Variants in NCOR2 observed in about 807,000 individuals in gnomAD.
NCOR2 encodes CTG repeat protein 26.
A neutral mutation model predicts 262.9 loss-of-function variants in NCOR2; 81 were observed. The ratio of observed to expected loss-of-function variants is 0.31; its 90% CI spans 0.26 to 0.37. The LOEUF is 0.37. Ranked by LOEUF, NCOR2 falls within the 10% of genes least tolerant of loss-of-function variation. The pLI, the probability that NCOR2 is intolerant of heterozygous loss-of-function variation, is 1.00. For synonymous variants in NCOR2, 1,659 were observed against 1,559.3 expected, an observed-to-expected ratio of 1.06 and a Z score of -1.51; for missense variants, 3,385 against 3,621.4, an observed-to-expected ratio of 0.93 and a Z score of 1.68.
Position 124,432,859 on chromosome 12 carries a change from C to CG in NCOR2, c.883-2073dup, listed in dbSNP as rs1427968302. Reference sequence around the variant, plus strand: ...CCAAGGTGACTTGAGCAAGTGGCGGCGGGGGGCGGGGGGTGGGGGCGGGGA... The same window carrying CG: ...CCAAGGTGACTTGAGCAAGTGGCGGCGGGGGGGCGGGGGGTGGGGGCGGGGA... On this transcript the variant is annotated intron_variant, in intron 8 of 46. Coordinates refer to ENST00000405201, the Ensembl canonical transcript of NCOR2. This position sits in a 1 kb window ranked among gnomAD's most constrained non-coding sequence, Gnocchi z 5.1. Among the ~76,000 whole-genome samples the CG allele has an allele frequency of 9.7e-5, 1 of 10,326 alleles. No homozygotes were observed. The highest frequency in any genetic ancestry group is 1.7e-4 in the Non-Finnish European group (1 of 5,828). 6.8% of individuals were successfully genotyped at this position (10,326 alleles called of 152,430 possible).
intron 17 of NCOR2, among the ~76,000 whole-genome samples, chr12:124,385,238 C>T (rs1257451415): frequency 6.6e-6 from 1 of 152,166 alleles, no homozygotes; most frequent in Non-Finnish European, 1.5e-5. Context: ...TGCCTCAAGC[C>T]CTCCAGGATG....
intron 20 of NCOR2, among the ~76,000 whole-genome samples, chr12:124,369,312 C>T (rs1359045985): frequency 1.3e-5 from 2 of 152,188 alleles, no homozygotes; most frequent in African/African-American, 2.4e-5. Flanking sequence ...GCCAGCGGGC[C>T]GAAGGAGAAT....
intron 16 of NCOR2, among the ~76,000 whole-genome samples, chr12:124,397,595 C>G (rs1434218305): frequency 6.6e-6 from 1 of 152,240 alleles, no homozygotes; most frequent in Admixed American, 6.5e-5. Context: ...ACTCCAGAAC[C>G]CGTCACCCAG....
At position 124,432,743 on chromosome 12, in the gene NCOR2, C is replaced by T. The variant is rs1593513250; in HGVS notation, c.883-1956G>A. Among the ~76,000 whole-genome samples the T allele has an allele frequency of 2.0e-5, 3 of 152,198 alleles. No homozygotes were observed. The East Asian group carries it at 5.8e-4, about 29-fold the overall frequency. ...TTCCCTCCAAGACAAGGAAGTCCCT[C>T]TCCACATCTAACCACAGTGCTGCCT... is the stretch of plus-strand genomic sequence containing the variant. On this transcript the variant is annotated intron_variant, in intron 8 of 46. Transcript: ENST00000405201. The surrounding 1 kb of genome is among the most constrained non-coding windows in gnomAD (Gnocchi z 5.1).
intron 1 of NCOR2, among the ~76,000 whole-genome samples, chr12:124,510,017 G>T (rs1345284012): frequency 2.0e-5 from 3 of 152,134 alleles, no homozygotes; most frequent in Admixed American, 2.0e-4. Context: ...GGCTGCTCCC[G>T]CCAGGCCAGA....
intron 1 of NCOR2, among the ~76,000 whole-genome samples, chr12:124,535,322 C>A (rs1207559809): frequency 6.6e-6 from 1 of 152,220 alleles, no homozygotes; most frequent in Non-Finnish European, 1.5e-5. Context: ...CAGGTGTCAT[C>A]AAAAAATCAC....
chr12:124,347,957 G>C, intron 29 of NCOR2, 46 bp from the exon 32 acceptor site: 1 of 1,534,330 alleles, frequency 6.5e-7, no homozygotes, highest in Non-Finnish European at 8.8e-7. Flanking sequence ...TCCCTGAGCC[G>C]ACACTGGGCA....
chr12:124,532,935 TCC>T lies in NCOR2; in HGVS notation c.-118+2628_-118+2629del, dbSNP rs1381288388. Among the ~76,000 whole-genome samples the T allele has an allele frequency of 9.6e-3, 253 of 26,342 alleles. 5 individuals are homozygous for T. Among genetic ancestry groups the T allele is most frequent in the Admixed American group, 0.012 (35 of 2,912 alleles). The allele number at this position is 26,342 out of a possible 152,430, so 17.3% of individuals were successfully genotyped here. A position where few individuals can be genotyped will look rare whatever the true frequency, so the allele number is the denominator to read the frequency against. On this transcript the variant is annotated intron_variant, in intron 1 of 46. Coordinates refer to the NCOR2 transcript ENST00000404621. ...CTCCAAGTCCCACTCCTCCTTCCCC[TCC>T]TCCCTCCAAATCCCACTCCTCTTCC...
chr12:124,325,539 C>A, exon 47 of NCOR2: 1 of 1,336,570 alleles, frequency 7.5e-7, no homozygotes, highest in Non-Finnish European at 9.6e-7. Flanking sequence ...ATGACACCCG[C>A]CTGCAGCCGC....
At position 124,389,234 on chromosome 12, in the gene NCOR2, G is replaced by A. The variant is rs1339627418; in HGVS notation, c.1877-3347C>T. On this transcript the variant is annotated intron_variant, in intron 16 of 46. Transcript: ENST00000405201. This position sits in a 1 kb window ranked among gnomAD's most constrained non-coding sequence, Gnocchi z 4.4. Reference sequence around the variant, plus strand: ...ACCCCCGGGCCGGGCAAAATCCAAGGACCCAGGCCCAGCAGGGCAGCCGTG... The same window carrying A: ...ACCCCCGGGCCGGGCAAAATCCAAGAACCCAGGCCCAGCAGGGCAGCCGTG... Among the ~76,000 whole-genome samples the A allele has an allele frequency of 1.3e-5, 2 of 152,232 alleles. No individual in the cohort carries two copies. The highest frequency in any genetic ancestry group is 2.9e-5 in the Non-Finnish European group (2 of 68,034).
chr12:124,404,791 G>A (rs535810307), intron 13 of NCOR2, among the ~76,000 whole-genome samples: 1 of 152,308 alleles, frequency 6.6e-6, no homozygotes, highest in Non-Finnish European at 1.5e-5. Context: ...CTATGGGCCG[G>A]CTCCTGGCCC....
At position 124,457,026 on chromosome 12, in the gene NCOR2, C is replaced by T. The variant is rs577383570; in HGVS notation, c.762+80G>A. 18 of 1,127,390 alleles carry T rather than the reference C, an allele frequency of 1.6e-5. No individual in the cohort carries two copies. The African/African-American group carries it at 2.4e-4, about 15-fold the overall frequency. The allele number at this position is 1,127,390 out of a possible 1,614,324, so 69.8% of individuals were successfully genotyped here. A position where few individuals can be genotyped will look rare whatever the true frequency, so the allele number is the denominator to read the frequency against. On this transcript the variant is annotated intron_variant, in intron 6 of 46. Transcript: ENST00000405201. This position sits in a 1 kb window ranked among gnomAD's most constrained non-coding sequence, Gnocchi z 4.0. ...TGGTAATAGATGACTTCCTCCTCCGCCGCACCCTCCCGCCTCCCTGCCCAC... is the reference window on the plus strand; with the variant it reads ...TGGTAATAGATGACTTCCTCCTCCGTCGCACCCTCCCGCCTCCCTGCCCAC...
At chr12:124,532,177 TAGCG>T (rs934773232) in intron 1 of NCOR2, among the ~76,000 whole-genome samples, 2 of 152,096 alleles carry the variant, frequency 1.3e-5, no homozygotes, top group African/African-American at 4.8e-5. Flanking sequence ...AGTGCACGCA[TAGCG>T]AGTGTCGGCC....
In NCOR2 at chr12:124,483,838, G is replaced by A. The variant is rs938151299; in HGVS notation, c.234-65C>T. ...CGGCTCTGAGAACTCCCGAGGCCCC[G>A]ACCACCCTCTGCGCCGAGCATCTAC... On this transcript the variant is annotated intron_variant, in intron 2 of 46. Coordinates refer to ENST00000405201, the Ensembl canonical transcript of NCOR2. The surrounding 1 kb of genome is among the most constrained non-coding windows in gnomAD (Gnocchi z 6.3). The A allele has an allele frequency of 1.6e-5, 24 of 1,459,150 alleles. No individual in the cohort carries two copies. Among genetic ancestry groups the A allele is most frequent in the Admixed American group, 2.3e-5 (1 of 43,274 alleles). 90.4% of individuals were successfully genotyped at this position (1,459,150 alleles called of 1,614,324 possible).
At chr12:124,419,428 G>A (rs2043091382) in intron 13 of NCOR2, among the ~76,000 whole-genome samples, 1 of 152,184 alleles carries the variant, frequency 6.6e-6, no homozygotes, top group Admixed American at 6.5e-5. Context: ...CAGAGTCCCA[G>A]TCTGCCAGCC....
Position 124,334,878 on chromosome 12 carries a change from G to A in NCOR2, c.6411+257C>T, listed in dbSNP as rs980616303. ...GACACTGAGAAACCTGGGCCACCAG[G>A]AAGGCCTCATTGCCCGTGAAGATGC... On this transcript the variant is annotated intron_variant, in intron 40 of 46. Coordinates refer to ENST00000405201, the Ensembl canonical transcript of NCOR2. 8.1e-6 allele frequency: 5 copies of A among 619,974 alleles called. No homozygotes were observed. In the Admixed American group the frequency reaches 1.5e-4, roughly 18 times the overall value. The allele number at this position is 619,974 out of a possible 1,614,324, so 38.4% of individuals were successfully genotyped here. A position where few individuals can be genotyped will look rare whatever the true frequency, so the allele number is the denominator to read the frequency against.
At chr12:124,426,014 C>G (rs2043522597) in intron 11 of NCOR2, among the ~76,000 whole-genome samples, 1 of 152,194 alleles carries the variant, frequency 6.6e-6, no homozygotes, top group Non-Finnish European at 1.5e-5. Flanking sequence ...ATAGAAACCA[C>G]CAAAAGCCAC....
At chr12:124,515,894 T>A (rs2049734839) in intron 1 of NCOR2, among the ~76,000 whole-genome samples, 1 of 152,208 alleles carries the variant, frequency 6.6e-6, no homozygotes. Context: ...ACAAAGGCCC[T>A]GGTGCTGACT....
rs372966136 is a variant in NCOR2, at chr12:124,434,993, C to T, written c.882+2937G>A. Among the ~76,000 whole-genome samples, 24 of 152,296 alleles carry T rather than the reference C, an allele frequency of 1.6e-4. 2 individuals are homozygous for T. The highest frequency in any genetic ancestry group is 1.4e-3 in the Admixed American group (21 of 15,306). ...AATAAATTCGGTGTCCCACTGCATT[C>T]GGAATAAAACCTGAATGTTCCATCC... is the stretch of plus-strand genomic sequence containing the variant. On this transcript the variant is annotated intron_variant, in intron 8 of 46. Transcript: ENST00000405201.
Sources: gnomAD v4.1 joint callset for allele counts (sites outside exome capture counted in the v4.1 genomes callset) on GRCh38, gnomAD v4.1.1 for gene constraint, Gnocchi (gnomAD v3.1) non-coding constraint, MANE v1.5 for transcripts, NCBI Gene and HGNC (gene_info 2026-07-23, HGNC 2026-07-21) for gene names.